Variants in NR2C2 observed in about 807,000 individuals in gnomAD.
NR2C2 encodes Nuclear hormone receptor TR4.
Under a neutral mutation model 62.9 loss-of-function variants are expected in NR2C2, and 6 were observed. That is an observed-to-expected ratio of 0.10 (90% CI 0.05 to 0.19). NR2C2 has a LOEUF of 0.19. Ranked by LOEUF, NR2C2 falls within the 10% of genes least tolerant of loss-of-function variation. The pLI, the probability that NR2C2 is intolerant of heterozygous loss-of-function variation, is 1.00. For missense variants in NR2C2, 479 were observed against 762.7 expected, an observed-to-expected ratio of 0.63 and a Z score of 4.38; for synonymous variants, 272 against 273.8, an observed-to-expected ratio of 0.99 and a Z score of 0.07.
rs954766300 is a variant in NR2C2 at position 14,986,562 on chromosome 3, G to A, written c.-39-17314G>A. On this transcript the variant is annotated intron_variant, in intron 1 of 13. Transcript: ENST00000425241. ...GTGTTGTGCCAAAATGATTTCTTAC[G>A]GTATGTCTTGCCACAGAGTAATGAC... is the stretch of plus-strand genomic sequence containing the variant. Among the ~76,000 whole-genome samples the A allele has an allele frequency of 5.3e-5, 8 of 152,096 alleles. No individual in the cohort carries two copies. The East Asian group carries it at 5.8e-4, about 11-fold the overall frequency.
intron 8 of NR2C2, 39 bp from the exon 9 acceptor site, chr3:15,030,236 T>C (rs1473631636): frequency 2.6e-6 from 4 of 1,551,488 alleles, no homozygotes; most frequent in African/African-American, 2.8e-5. Flanking sequence ...CTAAAAGCTG[T>C]AGATTCACAA....
chr3:15,008,260 C>A (rs1341271293), intron 2 of NR2C2, among the ~76,000 whole-genome samples: 2 of 150,998 alleles, frequency 1.3e-5, no homozygotes, highest in Non-Finnish European at 2.9e-5. Flanking sequence ...CAGTGGCTCA[C>A]ACCTGTGATC....
At chr3:14,978,749 G>A (rs183610451) in intron 1 of NR2C2, among the ~76,000 whole-genome samples, 2 of 152,146 alleles carry the variant, frequency 1.3e-5, no homozygotes, top group Admixed American at 1.3e-4. Context: ...TGTGAAAACC[G>A]AAGAACAGGG....
chr3:14,977,988 T>TCAG (rs1286934317), intron 1 of NR2C2, among the ~76,000 whole-genome samples: 1 of 150,266 alleles, frequency 6.7e-6, no homozygotes, highest in Non-Finnish European at 1.5e-5. Flanking sequence ...AGAACAGACT[T>TCAG]CAGCTCAGCT....
chr3:15,001,291 C>T (rs1211121310), intron 1 of NR2C2, among the ~76,000 whole-genome samples: 2 of 137,622 alleles, frequency 1.5e-5, no homozygotes, highest in African/African-American at 2.6e-5. Flanking sequence ...TATAAAAATA[C>T]AATTGATTAT....
chr3:14,963,385 G>A (rs2039743375), intron 1 of NR2C2, among the ~76,000 whole-genome samples: 1 of 152,196 alleles, frequency 6.6e-6, no homozygotes, highest in Admixed American at 6.5e-5. Flanking sequence ...TGCTGACGCA[G>A]GTCCGTTCAC....
intron 1 of NR2C2, chr3:14,948,487 G>C (rs140142440): frequency 0.012 from 1,832 of 152,300 alleles, 25 homozygotes; most frequent in South Asian, 0.055. Flanking sequence ...GCCCCCCTAA[G>C]CTTTGCTGAT....
intron 11 of NR2C2, 87 bp downstream of exon 11, chr3:15,034,896 A>C: frequency 2.2e-5 from 30 of 1,360,464 alleles, no homozygotes; most frequent in Non-Finnish European, 2.8e-5. Flanking sequence ...TTGGAGGCTC[A>C]TGTCAAAGAC....
intron 1 of NR2C2, among the ~76,000 whole-genome samples, chr3:14,961,216 A>G (rs975766082): frequency 6.6e-6 from 1 of 152,208 alleles, no homozygotes; most frequent in Non-Finnish European, 1.5e-5. Context: ...GCAATAAAAT[A>G]TGAATTAGAA....
intron 1 of NR2C2, among the ~76,000 whole-genome samples, chr3:14,996,176 C>A (rs1417064603): frequency 6.6e-6 from 1 of 152,026 alleles, no homozygotes; most frequent in Non-Finnish European, 1.5e-5. Flanking sequence ...TTGGTAAAAC[C>A]CATTTTATGT....
chr3:14,981,367 G>C (rs1336407793), intron 1 of NR2C2, among the ~76,000 whole-genome samples: 1 of 152,044 alleles, frequency 6.6e-6, no homozygotes. Flanking sequence ...ACTTTGGAAG[G>C]CCAAGGCGAG....
intron 1 of NR2C2, among the ~76,000 whole-genome samples, chr3:15,002,210 A>T (rs1180621308): frequency 6.6e-6 from 1 of 151,852 alleles, no homozygotes; most frequent in Non-Finnish European, 1.5e-5. Flanking sequence ...TATAGCTGTG[A>T]GTATTTTATA....
At chr3:14,985,713 A>G (rs2040496540) in intron 1 of NR2C2, among the ~76,000 whole-genome samples, 1 of 152,182 alleles carries the variant, frequency 6.6e-6, no homozygotes, top group Admixed American at 6.5e-5. Flanking sequence ...TTAGAGCTAT[A>G]TTTATTTAGC....
At chr3:14,987,591 C>T (rs1412575264) in intron 1 of NR2C2, among the ~76,000 whole-genome samples, 1 of 152,080 alleles carries the variant, frequency 6.6e-6, no homozygotes, top group Non-Finnish European at 1.5e-5. Context: ...CCACCTCTAC[C>T]TCTGTCACTT....
intron 2 of NR2C2, among the ~76,000 whole-genome samples, chr3:15,012,052 C>T (rs1316149560): frequency 1.3e-5 from 2 of 152,120 alleles, no homozygotes; most frequent in Non-Finnish European, 2.9e-5. Flanking sequence ...TTCCTAGTAC[C>T]TAGAACAGTG....
rs529029147 is a variant in NR2C2, at chr3:15,001,808, G to A, written c.-39-2068G>A. On this transcript the variant is annotated intron_variant, in intron 1 of 13. Coordinates refer to ENST00000425241, the MANE Select transcript of NR2C2 (RefSeq NM_001291694.2). ...GATTTTTTGATTTTTTTGTAGAGATGGGTCTTGCTTTGTTGTCCGGACTGG... is the reference window on the plus strand; with the variant it reads ...GATTTTTTGATTTTTTTGTAGAGATAGGTCTTGCTTTGTTGTCCGGACTGG... 7.9e-5 allele frequency among the ~76,000 whole-genome samples: 12 copies of A among 152,150 alleles called. 1 individual carries two copies. In the South Asian group the frequency reaches 2.5e-3, roughly 32 times the overall value.
intron 2 of NR2C2, among the ~76,000 whole-genome samples, chr3:15,009,730 C>T (rs1337638767): frequency 7.9e-5 from 12 of 152,220 alleles, no homozygotes; most frequent in Admixed American, 7.2e-4. Context: ...TTACCACAAA[C>T]TTAGTGGCTT....
At chr3:15,032,307 A>G in intron 9 of NR2C2, 72 bp from the exon 10 acceptor site, 2 of 1,600,272 alleles carry the variant, frequency 1.2e-6, no homozygotes, top group Non-Finnish European at 1.7e-6. Context: ...CATGACAGGG[A>G]TACATGTTGA....
intron 1 of NR2C2, among the ~76,000 whole-genome samples, chr3:15,002,296 A>G (rs62240382): frequency 6.6e-6 from 1 of 152,042 alleles, no homozygotes; most frequent in Non-Finnish European, 1.5e-5. Flanking sequence ...ATGTTGTTAG[A>G]TTTTGTCAAA....
Sources: allele counts gnomAD v4.1 joint callset (sites outside exome capture counted in the v4.1 genomes callset), GRCh38; gene constraint gnomAD v4.1.1; transcripts MANE v1.5; gene names NCBI Gene and HGNC (gene_info 2026-07-23, HGNC 2026-07-21).